The following ASCC3 variants were observed in gnomAD, a reference collection of about 807,000 sequenced individuals.
ASCC3 encodes the protein activating signal cointegrator 1 complex subunit 3.
In ASCC3, 158 loss-of-function variants were observed where a neutral mutation model predicts 256.3. The ratio of observed to expected loss-of-function variants is 0.62; its 90% CI spans 0.54 to 0.70. The LOEUF (loss-of-function observed/expected upper bound fraction) is 0.70. Ranked by LOEUF, ASCC3 falls within the 30% of genes least tolerant of loss-of-function variation. ASCC3 has a pLI of 0.00. For synonymous variants in ASCC3, 948 were observed against 883.4 expected (o/e 1.07, Z -1.30); for missense variants, 2,259 against 2,626.0 (o/e 0.86, Z 3.05).
chr6:100,607,306 A>G (rs1231564205), intron 30 of ASCC3, among the ~76,000 whole-genome samples: 1 of 152,086 alleles, frequency 6.6e-6, no homozygotes, highest in Non-Finnish European at 1.5e-5. Context: ...AATGTTATCC[A>G]TCTTATTTTT....
chr6:100,823,017 C>A (rs1255284045), intron 4 of ASCC3, among the ~76,000 whole-genome samples: 1 of 152,086 alleles, frequency 6.6e-6, no homozygotes, highest in South Asian at 2.1e-4. Context: ...CAAAAAAGCA[C>A]ATTATTTTTT....
At chr6:100,537,940 T>C (rs1027719558) in intron 37 of ASCC3, among the ~76,000 whole-genome samples, 3 of 150,838 alleles carry the variant, frequency 2.0e-5, no homozygotes, top group Non-Finnish European at 4.4e-5. Flanking sequence ...AAATATCTAA[T>C]AGAGGCTAAA....
At chr6:100,707,721 C>T (rs946675443) in intron 13 of ASCC3, among the ~76,000 whole-genome samples, 2 of 152,016 alleles carry the variant, frequency 1.3e-5, no homozygotes, top group African/African-American at 4.8e-5. Flanking sequence ...TAGAGGTTCA[C>T]GATGATTGTC....
At chr6:100,534,173 G>C (rs1461994832) in intron 37 of ASCC3, among the ~76,000 whole-genome samples, 2 of 152,196 alleles carry the variant, frequency 1.3e-5, no homozygotes, top group Non-Finnish European at 2.9e-5. Context: ...GAGCCCAGAA[G>C]TCAAGGGTGC....
At chr6:100,799,349 C>T (rs966803052) in intron 7 of ASCC3, 82 bp downstream of exon 7, 4 of 1,496,414 alleles carry the variant, frequency 2.7e-6, no homozygotes, top group African/African-American at 2.8e-5. Context: ...GTGTTAGACT[C>T]ACGAAGGAAC....
At position 100,818,748 on chromosome 6, in the gene ASCC3, C is replaced by CAAAAAAAAAAAAAAAAAAAAAAAAAAAAA. The variant is rs56668191; in HGVS notation, c.802-12869_802-12868insTTTTTTTTTTTTTTTTTTTTTTTTTTTTT. Among the ~76,000 whole-genome samples the CAAAAAAAAAAAAAAAAAAAAAAAAAAAAA allele has an allele frequency of 5.2e-5, 3 of 58,108 alleles. 1 individual carries two copies. Among genetic ancestry groups the CAAAAAAAAAAAAAAAAAAAAAAAAAAAAA allele is most frequent in the Non-Finnish European group, 8.5e-5 (3 of 35,176 alleles). 38.1% of individuals were successfully genotyped at this position (58,108 alleles called of 152,430 possible). On this transcript the variant is annotated intron_variant, in intron 4 of 41. Transcript: ENST00000369162. ...CTAGGCAGGGCAGTTAGGCAAAAGC[C>CAAAAAAAAAAAAAAAAAAAAAAAAAAAAA]AAAAAAAAAAAAAAAAAAAAAAAAG...
intron 27 of ASCC3, 91 bp from the exon 28 acceptor site, chr6:100,628,078 C>CAAAAA (rs1433270711): frequency 1.6e-5 from 17 of 1,068,048 alleles, no homozygotes; most frequent in East Asian, 1.1e-4. Context: ...GTAGCTTCCT[C>CAAAAA]AAAAAACAAA....
intron 37 of ASCC3, among the ~76,000 whole-genome samples, chr6:100,536,833 T>C (rs1262613842): frequency 6.6e-6 from 1 of 152,092 alleles, no homozygotes; most frequent in Non-Finnish European, 1.5e-5. Flanking sequence ...AAATGGCCGA[T>C]TCCAAAGCTG....
intron 37 of ASCC3, among the ~76,000 whole-genome samples, chr6:100,525,306 AATTT>A (rs574145080): frequency 2.5e-4 from 38 of 152,040 alleles, no homozygotes; most frequent in African/African-American, 7.2e-4. Flanking sequence ...AAAAGAAAGA[AATTT>A]ATTTATGCCA....
chr6:100,825,144 G>T (rs560105780), intron 4 of ASCC3, among the ~76,000 whole-genome samples: 1 of 152,282 alleles, frequency 6.6e-6, no homozygotes, highest in South Asian at 2.1e-4. Flanking sequence ...TGAAGAGCCT[G>T]TTTATAGGAT....
rs201404914 is a variant in ASCC3 at position 100,606,760 on chromosome 6, T to C, written c.5024A>G (p.Tyr1675Cys). The C allele has an allele frequency of 3.7e-6, 6 of 1,604,808 alleles. No individual in the cohort carries two copies. The highest frequency in any genetic ancestry group is 5.1e-6 in the Non-Finnish European group (6 of 1,177,122). Residue 1675 changes from tyrosine (Y) to cysteine (C), a missense_variant, in exon 32 of 42, where the codon TAT becomes TGT. Physicochemically the swap from Tyr to Cys is radical, Grantham distance 194. Coordinates refer to ENST00000369162, the MANE Select transcript of ASCC3 (RefSeq NM_006828.4). ...ATTACCTGTAATGGGAAAATCCACA[T>C]AACGTCTTGTTTTTCCATCATAGTA... ...TEYYDGKTRR[Y>C]VDFPITDVLQ...
At chr6:100,877,129 T>C (rs80023751) in intron 1 of ASCC3, among the ~76,000 whole-genome samples, 2,355 of 152,288 alleles carry the variant, frequency 0.015, 27 homozygotes, top group Non-Finnish European at 0.025. Flanking sequence ...GTTACTGTAT[T>C]TTTTCGTTAT....
chr6:100,655,828 A>C lies in ASCC3; in HGVS notation c.2704-10T>G. The stretch of plus-strand genomic sequence containing the variant: ...CTGTTCCCAGAGCAATCTGCAAATC[A>C]AAAAGATGACAGAAATTAATGTATT... On this transcript the variant is annotated splice_polypyrimidine_tract_variant and intron_variant, in intron 16 of 41. Transcript: ENST00000369162. 6.2e-7 allele frequency: 1 copy of C among 1,610,042 alleles called. No homozygotes were observed. The highest frequency in any genetic ancestry group is 8.5e-7 in the Non-Finnish European group (1 of 1,178,676).
At chr6:100,830,959 G>A (rs1582930988) in intron 4 of ASCC3, among the ~76,000 whole-genome samples, 1 of 152,132 alleles carries the variant, frequency 6.6e-6, no homozygotes, top group Non-Finnish European at 1.5e-5. Flanking sequence ...CTACAGTTAA[G>A]TTATTCTTAT....
intron 10 of ASCC3, among the ~76,000 whole-genome samples, chr6:100,737,151 A>T (rs1280353204): frequency 8.1e-4 from 1 of 1,228 alleles, no homozygotes; most frequent in Non-Finnish European, 0.017. Context: ...CGTCTATTTA[A>T]AAAAAAAAAG....
chr6:100,820,576 T>C (rs779996203), intron 4 of ASCC3, among the ~76,000 whole-genome samples: 2 of 151,360 alleles, frequency 1.3e-5, no homozygotes, highest in East Asian at 3.9e-4. Flanking sequence ...GTAGATATGG[T>C]AAAAAAAAAT....
intron 33 of ASCC3, among the ~76,000 whole-genome samples, 185 bp downstream of exon 33, chr6:100,605,383 A>C (rs973522874): frequency 1.3e-5 from 2 of 152,148 alleles, no homozygotes; most frequent in Non-Finnish European, 2.9e-5. Flanking sequence ...CTTATTTTAA[A>C]AAGTTATTTT....
intron 8 of ASCC3, among the ~76,000 whole-genome samples, chr6:100,778,423 C>T (rs188741627): frequency 1.2e-3 from 182 of 152,008 alleles, no homozygotes; most frequent in Non-Finnish European, 1.4e-3. Flanking sequence ...AAGAAGTTAA[C>T]GGACACTAGG....
At chr6:100,848,795 T>C in intron 3 of ASCC3, 88 bp from the exon 4 acceptor site, 1 of 1,276,976 alleles carries the variant, frequency 7.8e-7, no homozygotes, top group East Asian at 2.4e-5. Flanking sequence ...AATATTCTCC[T>C]GAGTAAATCT....
Sources: allele counts gnomAD v4.1 joint callset (sites outside exome capture counted in the v4.1 genomes callset), GRCh38; gene constraint gnomAD v4.1.1; transcripts MANE v1.5; gene names NCBI Gene and HGNC (gene_info 2026-07-23, HGNC 2026-07-21).